Variants in PCF11 observed in about 807,000 individuals in gnomAD.
PCF11 encodes pre-mRNA cleavage complex 2 protein Pcf11.
A neutral mutation model predicts 166.1 loss-of-function variants in PCF11; 19 were observed. That is an observed-to-expected ratio of 0.11 (90% confidence interval 0.08 to 0.17). The LOEUF is 0.17. Among genes scored for constraint, PCF11 ranks in the 10% least tolerant of loss-of-function variants. The pLI, the probability that PCF11 is intolerant of heterozygous loss-of-function variation, is 1.00. For synonymous variants in PCF11, 663 were observed against 644.1 expected (o/e 1.03, Z -0.44); for missense variants, 1,565 against 1,855.5 (o/e 0.84, Z 2.88).
At chr11:83,169,000 C>T (rs1260457780) in exon 8 of PCF11, 5 of 1,613,500 alleles carry the variant, frequency 3.1e-6, no homozygotes, top group Middle Eastern at 1.6e-4. Context: ...TGTGGGTGGT[C>T]TAAGGTTTGA....
At chr11:83,166,355 G>A (rs1265761772) in exon 5 of PCF11, 1 of 1,613,960 alleles carries the variant, frequency 6.2e-7, no homozygotes, top group Non-Finnish European at 8.5e-7. Flanking sequence ...GATCACCCAA[G>A]TCTAGGTCAC....
Position 83,167,290 on chromosome 11 carries a change from A to G in PCF11, c.1983A>G (p.Lys661=). ...CTAAAGAGTTAACTCTTGCAAGCAA[A>G]AGAGAATTACTTCAAAAGGTAGTTA... is the stretch of plus-strand genomic sequence containing the variant. Residue 661 remains lysine (K), a synonymous_variant, in exon 6 of 16, where the codon AAA becomes AAG. Transcript: ENST00000298281. The surrounding 1 kb of genome is among the most constrained non-coding windows in gnomAD (Gnocchi z 4.2). 2 of 1,612,678 alleles carry G rather than the reference A, an allele frequency of 1.2e-6. No individual in the cohort carries two copies. The highest frequency in any genetic ancestry group is 1.7e-6 in the Non-Finnish European group (2 of 1,179,030).
exon 8 of PCF11, chr11:83,168,509 T>C (rs1377242135): frequency 1.2e-6 from 2 of 1,614,018 alleles, no homozygotes; most frequent in Non-Finnish European, 1.7e-6. Flanking sequence ...GATAAACCAT[T>C]TGTAGATAGT....
intron 13 of PCF11, 146 bp downstream of exon 13, chr11:83,182,155 T>C (rs1278995284): frequency 4.0e-6 from 3 of 757,454 alleles, no homozygotes; most frequent in East Asian, 2.9e-5. Context: ...ATTTTACTCT[T>C]ACAATCTAGC....
At position 83,182,487 on chromosome 11, in the gene PCF11, GA is replaced by G; in HGVS notation, c.4415del (p.Lys1472ArgfsTer32). On this transcript the variant is annotated frameshift_variant, in exon 14 of 16. Transcript: ENST00000298281. LOFTEE classifies it high-confidence loss of function. Reference sequence around the variant, plus strand: ...TTGAAAAATGCTATTAGAGTAGATGGAAAGGTAATTTTCATTTCTTTATAAG... The same window carrying G: ...TTGAAAAATGCTATTAGAGTAGATGGAAGGTAATTTTCATTTCTTTATAAG... 2 of 1,426,980 alleles carry G rather than the reference GA, an allele frequency of 1.4e-6. No homozygotes were observed. Among genetic ancestry groups the G allele is most frequent in the Non-Finnish European group, 2.0e-6 (2 of 1,011,210 alleles). The allele number at this position is 1,426,980 out of a possible 1,614,324, so 88.4% of individuals were successfully genotyped here. A position where few individuals can be genotyped will look rare whatever the true frequency, so the allele number is the denominator to read the frequency against.
intron 2 of PCF11, among the ~76,000 whole-genome samples, chr11:83,162,502 C>A (rs1860296759): frequency 6.6e-6 from 1 of 152,228 alleles, no homozygotes; most frequent in South Asian, 2.1e-4. Flanking sequence ...TTGCTGAATA[C>A]TGCTAACCAG....
exon 5 of PCF11, chr11:83,166,408 A>G (rs1275288471): frequency 1.2e-6 from 2 of 1,613,986 alleles, no homozygotes; most frequent in Non-Finnish European, 1.7e-6. Flanking sequence ...CGGTCACCCA[A>G]ACGAAGGCAA....
chr11:83,171,106 A>G, intron 8 of PCF11: 3 of 316,522 alleles, frequency 9.5e-6, no homozygotes, highest in South Asian at 5.1e-5. Flanking sequence ...CATACCAGCA[A>G]TATGTAGAAG....
Position 83,181,411 on chromosome 11 carries a change from T to A in PCF11, c.4167+220T>A, listed in dbSNP as rs572739981. 1.0e-4 allele frequency among the ~76,000 whole-genome samples: 15 copies of A among 150,652 alleles called. 1 individual carries two copies. The highest frequency in any genetic ancestry group is 4.0e-4 in the Admixed American group (6 of 15,170). On this transcript the variant is annotated intron_variant, in intron 12 of 15. Transcript: ENST00000298281. Reference sequence around the variant, plus strand: ...GAATTTTGAAGAGTATTTTTTTTTTTAAATTAAGATTAGAGTATAGCATAC... The same window carrying A: ...GAATTTTGAAGAGTATTTTTTTTTTAAAATTAAGATTAGAGTATAGCATAC...
At position 83,184,751 on chromosome 11, in the gene PCF11, A is replaced by G. The variant is rs761301420; in HGVS notation, c.4525A>G (p.Ile1509Val). The G allele has an allele frequency of 3.7e-5, 59 of 1,612,072 alleles. 2 individuals carry two copies. The highest frequency in any genetic ancestry group is 3.5e-4 in the African/African-American group (26 of 74,978). Residue 1509 changes from isoleucine (I) to valine (V), a missense_variant, in exon 16 of 16, where the codon ATT becomes GTT. By Grantham distance (29) the Ile-to-Val change is conservative (BLOSUM62 3). Around this residue, in one of 12 missense-constraint regions of PCF11, gnomAD observed 99 missense variants for 89.1 expected, o/e 1.11. Transcript: ENST00000298281. The stretch of plus-strand genomic sequence containing the variant: ...AAACCCCTTGAATATTATGTTGAAC[A>G]TTGTCAAAAACGAATTGCAGGAACC...
chr11:83,182,579 T>C (rs1363515698), intron 14 of PCF11, 88 bp downstream of exon 14: 5 of 682,664 alleles, frequency 7.3e-6, no homozygotes, highest in Non-Finnish European at 1.3e-5. Context: ...CGGTTCATAA[T>C]AGTTTTTGTT....
intron 14 of PCF11, among the ~76,000 whole-genome samples, chr11:83,182,834 C>G (rs532790456): frequency 6.6e-6 from 1 of 152,218 alleles, no homozygotes; most frequent in South Asian, 2.1e-4. Context: ...GCAAGTTAGG[C>G]TAGATACTTA....
chr11:83,166,192 A>G lies in PCF11; in HGVS notation c.1295A>G (p.Asp432Gly). The change falls in exon 5 of 16, where the codon GAT becomes GGT. Residue 432 changes from aspartate (D) to glycine (G), a missense_variant. Physicochemically the swap from Asp to Gly is moderately conservative, Grantham distance 94. Transcript: ENST00000298281. ...AAAACTGCAGAAAAAAAGGATAAAG[A>G]TGAGCACATGAAGTCATCCGAACAC... is the stretch of plus-strand genomic sequence containing the variant. The G allele has an allele frequency of 6.2e-7, 1 of 1,610,650 alleles. No homozygotes were observed. Among genetic ancestry groups the G allele is most frequent in the Non-Finnish European group, 8.5e-7 (1 of 1,179,032 alleles).
At chr11:83,166,283 A>G (rs1175816791) in exon 5 of PCF11, 3 of 1,613,496 alleles carry the variant, frequency 1.9e-6, no homozygotes, top group Non-Finnish European at 2.5e-6. Flanking sequence ...CAATAACAGA[A>G]GAGTCAGAAA....
At chr11:83,168,865 G>T in exon 8 of PCF11, 1 of 1,613,778 alleles carries the variant, frequency 6.2e-7, no homozygotes, top group Non-Finnish European at 8.5e-7. Context: ...AGCAGGAGGA[G>T]GTGGTTTTCG....
chr11:83,184,755 T>C, exon 16 of PCF11: 1 of 1,612,654 alleles, frequency 6.2e-7, no homozygotes. Context: ...TTGAACATTG[T>C]CAAAAACGAA....
exon 16 of PCF11, chr11:83,184,970 T>G (rs1274631212): frequency 5.3e-6 from 5 of 935,864 alleles, no homozygotes; most frequent in Non-Finnish European, 6.5e-6. Context: ...TTTTTTTATG[T>G]ATATATAGAC....
At chr11:83,171,229 A>G (rs939584085) in intron 8 of PCF11, 16 of 431,434 alleles carry the variant, frequency 3.7e-5, no homozygotes, top group Admixed American at 5.6e-5. Flanking sequence ...GACCTTTTAC[A>G]AGATTACTTT....
chr11:83,176,343 C>A (rs2135438841), intron 9 of PCF11, among the ~76,000 whole-genome samples: 1 of 152,272 alleles, frequency 6.6e-6, no homozygotes, highest in South Asian at 2.1e-4. Context: ...TGGGTATATA[C>A]CCAAAGGATT....
Sources: gnomAD v4.1 joint callset for allele counts (sites outside exome capture counted in the v4.1 genomes callset) on GRCh38, gnomAD v4.1.1 for gene constraint, gnomAD v4.1.1 regional missense constraint, Gnocchi (gnomAD v3.1) non-coding constraint, MANE v1.5 for transcripts, NCBI Gene and HGNC (gene_info 2026-07-23, HGNC 2026-07-21) for gene names.